The following UTP23 variants were observed in gnomAD, a reference collection of about 807,000 sequenced individuals.
UTP23 encodes UTP23 small subunit processome component, also known as rRNA-processing protein UTP23 homolog.
UTP23 carries 10 observed loss-of-function variants against 19.8 expected under a neutral mutation model. That is an observed-to-expected ratio of 0.50 (90% confidence interval 0.31 to 0.86). The LOEUF is 0.86. Ranked by LOEUF, UTP23 falls within the 40% of genes least tolerant of loss-of-function variation. The pLI is 0.05. For synonymous variants in UTP23, 108 were observed against 105.4 expected, an observed-to-expected ratio of 1.02 and a Z score of -0.15; for missense variants, 282 against 293.1, an observed-to-expected ratio of 0.96 and a Z score of 0.28.
At position 116,766,809 on chromosome 8, in the gene UTP23, G is replaced by A. The variant is rs1184383832; in HGVS notation, c.188+18G>A. ...ACCACAAGGTGGGCCCGGGGGGCTG[G>A]GGAGGAGGCACAGAGGGTCCGTCGG... On this transcript the variant is annotated intron_variant, in intron 1 of 2. Transcript: ENST00000309822. 6.6e-7 allele frequency: 1 copy of A among 1,513,296 alleles called. No individual in the cohort carries two copies. Among genetic ancestry groups the A allele is most frequent in the South Asian group, 1.2e-5 (1 of 80,960 alleles). The allele number at this position is 1,513,296 out of a possible 1,614,324, so 93.7% of individuals were successfully genotyped here. A position where few individuals can be genotyped will look rare whatever the true frequency, so the allele number is the denominator to read the frequency against.
rs1411539916 is a variant in UTP23, at chr8:116,774,670, G to A, written c.*2828G>A. ...ATGTATTTTGCCGGTAAAATTAAAA[G>A]ATATTTTAACAAAAGTCTCATCTCC... On this transcript the variant is annotated 3_prime_UTR_variant, in exon 3 of 3. Transcript: ENST00000309822. 2.4e-6 allele frequency: 2 copies of A among 833,746 alleles called. No homozygotes were observed. The highest frequency in any genetic ancestry group is 2.9e-6 in the Non-Finnish European group (2 of 693,608). The allele number at this position is 833,746 out of a possible 1,614,324, so 51.6% of individuals were successfully genotyped here. A position where few individuals can be genotyped will look rare whatever the true frequency, so the allele number is the denominator to read the frequency against.
intron 2 of UTP23, 64 bp downstream of exon 2, chr8:116,770,430 A>G: frequency 7.0e-7 from 1 of 1,434,698 alleles, no homozygotes; most frequent in Non-Finnish European, 9.3e-7. Flanking sequence ...ATATGGAGCT[A>G]TTTATAATCA....
At chr8:116,767,856 C>T (rs1211434721) in intron 1 of UTP23, among the ~76,000 whole-genome samples, 2 of 152,128 alleles carry the variant, frequency 1.3e-5, no homozygotes, top group South Asian at 2.1e-4. Context: ...CCACTACTCA[C>T]GAATAATCAC....
At chr8:116,770,416 C>G (rs1432016834) in intron 2 of UTP23, 50 bp downstream of exon 2, 12 of 1,528,112 alleles carry the variant, frequency 7.9e-6, no homozygotes, top group Non-Finnish European at 9.8e-6. Flanking sequence ...TCTATTTATA[C>G]TTCATATGGA....
rs980000952 is a variant in UTP23, at chr8:116,773,381, ATTACTC to A, written c.*1543_*1548del. The A allele has an allele frequency of 5.1e-6, 5 of 974,256 alleles. No homozygotes were observed. The highest frequency in any genetic ancestry group is 6.1e-5 in the Admixed American group (1 of 16,280). The allele number at this position is 974,256 out of a possible 1,614,324, so 60.4% of individuals were successfully genotyped here. On this transcript the variant is annotated 3_prime_UTR_variant, in exon 3 of 3. Transcript: ENST00000309822. ...ATGCTAAAATACATTAAATTTAGGT[ATTACTC>A]TTAATCTATTTCTACTTAGTCAGTG...
chr8:116,773,335 A>C lies in UTP23; in HGVS notation c.*1493A>C. On this transcript the variant is annotated 3_prime_UTR_variant, in exon 3 of 3. Transcript: ENST00000309822. ...AGACAAAGTGATAAATGAAATATAC[A>C]CTGATGATACTCATTTCAATATGCT... The C allele has an allele frequency of 1.0e-6, 1 of 982,486 alleles. No homozygotes were observed. The highest frequency in any genetic ancestry group is 1.2e-6 in the Non-Finnish European group (1 of 827,250). The allele number at this position is 982,486 out of a possible 1,614,324, so 60.9% of individuals were successfully genotyped here. A position where few individuals can be genotyped will look rare whatever the true frequency, so the allele number is the denominator to read the frequency against.
At chr8:116,768,691 G>A (rs1815615451) in intron 1 of UTP23, among the ~76,000 whole-genome samples, 1 of 152,236 alleles carries the variant, frequency 6.6e-6, no homozygotes, top group Admixed American at 6.5e-5. Context: ...TTGAGATGGA[G>A]TCTCACTTTA....
chr8:116,766,933 T>C, intron 1 of UTP23, 142 bp downstream of exon 1: 1 of 816,042 alleles, frequency 1.2e-6, no homozygotes, highest in Middle Eastern at 3.7e-4. Flanking sequence ...AGTGGAGAGG[T>C]GAAGGTGGTC....
At position 116,774,131 on chromosome 8, in the gene UTP23, T is replaced by C; in HGVS notation, c.*2289T>C. 1 of 985,398 alleles carries C rather than the reference T, an allele frequency of 1.0e-6. No individual in the cohort carries two copies. The highest frequency in any genetic ancestry group is 4.7e-5 in the South Asian group (1 of 21,286). 61.0% of individuals were successfully genotyped at this position (985,398 alleles called of 1,614,324 possible). A position where few individuals can be genotyped will look rare whatever the true frequency, so the allele number is the denominator to read the frequency against. On this transcript the variant is annotated 3_prime_UTR_variant, in exon 3 of 3. Transcript: ENST00000309822. ...TTGTTGGGGATAAAAGTGTAATACA[T>C]GCACTTTTGAACTCTGAAAGTTTGC...
rs773109836 is a variant in UTP23 at position 116,770,553 on chromosome 8, T to C, written c.363+187T>C. 7.3e-4 allele frequency: 394 copies of C among 540,998 alleles called. 6 individuals are homozygous for C. The highest frequency in any genetic ancestry group is 1.6e-4 in the Non-Finnish European group (53 of 330,066). 33.5% of individuals were successfully genotyped at this position (540,998 alleles called of 1,614,324 possible). A position where few individuals can be genotyped will look rare whatever the true frequency, so the allele number is the denominator to read the frequency against. On this transcript the variant is annotated intron_variant, in intron 2 of 2. Transcript: ENST00000309822. ...GAGGAAAACTTTAAGCATGTTGATA[T>C]TCTTTTTAGTAGTGGAAGGTTGGGT...
chr8:116,772,769 G>T lies in UTP23; in HGVS notation c.*927G>T, dbSNP rs948659216. The T allele has an allele frequency of 1.0e-6, 1 of 985,208 alleles. No individual in the cohort carries two copies. Among genetic ancestry groups the T allele is most frequent in the African/African-American group, 1.7e-5 (1 of 57,200 alleles). 61.0% of individuals were successfully genotyped at this position (985,208 alleles called of 1,614,324 possible). A position where few individuals can be genotyped will look rare whatever the true frequency, so the allele number is the denominator to read the frequency against. On this transcript the variant is annotated 3_prime_UTR_variant, in exon 3 of 3. Coordinates refer to ENST00000309822, the MANE Select transcript of UTP23 (RefSeq NM_032334.3). Reference sequence around the variant, plus strand: ...CTAAATTAGTCTGAGGATCAATGAGGGTCAATTCAGTTAGGAATTGAATAA... The same window carrying T: ...CTAAATTAGTCTGAGGATCAATGAGTGTCAATTCAGTTAGGAATTGAATAA...
chr8:116,766,573 G>A lies in UTP23; in HGVS notation c.-31G>A. The A allele has an allele frequency of 6.3e-7, 1 of 1,599,176 alleles. No homozygotes were observed. The highest frequency in any genetic ancestry group is 8.5e-7 in the Non-Finnish European group (1 of 1,171,732). On this transcript the variant is annotated 5_prime_UTR_variant, in exon 1 of 3. Transcript: ENST00000309822. The stretch of plus-strand genomic sequence containing the variant: ...GTGAGGCGTTTACTGATGCTTCCTG[G>A]TCCGGTGGCCTCGGTCCCGGTAAGC...
chr8:116,772,178 T>G lies in UTP23; in HGVS notation c.*336T>G. ...GCCTGGGCAACAGAGTGAGAACATGTCTCAAAAAAAAAATAAAAACAGTGA... is the reference window on the plus strand; with the variant it reads ...GCCTGGGCAACAGAGTGAGAACATGGCTCAAAAAAAAAATAAAAACAGTGA... On this transcript the variant is annotated 3_prime_UTR_variant, in exon 3 of 3. Transcript: ENST00000309822. The G allele has an allele frequency of 9.9e-7, 1 of 1,010,492 alleles. No individual in the cohort carries two copies. 62.6% of individuals were successfully genotyped at this position (1,010,492 alleles called of 1,614,324 possible).
chr8:116,772,169 G>T lies in UTP23; in HGVS notation c.*327G>T. On this transcript the variant is annotated 3_prime_UTR_variant, in exon 3 of 3. Transcript: ENST00000309822. ...TTCACTCCAGCCTGGGCAACAGAGTGAGAACATGTCTCAAAAAAAAAATAA... is the reference window on the plus strand; with the variant it reads ...TTCACTCCAGCCTGGGCAACAGAGTTAGAACATGTCTCAAAAAAAAAATAA... 1 of 1,020,386 alleles carries T rather than the reference G, an allele frequency of 9.8e-7. No homozygotes were observed. Among genetic ancestry groups the T allele is most frequent in the Non-Finnish European group, 1.2e-6 (1 of 853,056 alleles). 63.2% of individuals were successfully genotyped at this position (1,020,386 alleles called of 1,614,324 possible).
intron 1 of UTP23, among the ~76,000 whole-genome samples, chr8:116,769,856 G>A (rs1357523320): frequency 6.6e-6 from 1 of 152,040 alleles, no homozygotes; most frequent in Admixed American, 6.6e-5. Flanking sequence ...CTTGAACTTT[G>A]GCATGTTACT....
chr8:116,770,300 T>A lies in UTP23; in HGVS notation c.297T>A (p.Ser99Arg), dbSNP rs1037931732. 1.2e-6 allele frequency: 2 copies of A among 1,613,924 alleles called. No individual in the cohort carries two copies. The highest frequency in any genetic ancestry group is 2.7e-5 in the African/African-American group (2 of 74,928). Residue 99 changes from serine (S) to arginine (R), a missense_variant, in exon 2 of 3, where the codon AGT becomes AGA. By Grantham distance (110) the Ser-to-Arg change is moderately radical (BLOSUM62 -1). Coordinates refer to ENST00000309822, the MANE Select transcript of UTP23 (RefSeq NM_032334.3). ...GTCCTCATTTCAAGAATGCAGTGAG[T>A]GGATCAGAATGTCTGCTTTCCATGG... ...RNCPHFKNAV[S>R]GSECLLSMVE...
chr8:116,768,564 C>T (rs1815613953), intron 1 of UTP23, among the ~76,000 whole-genome samples: 1 of 152,194 alleles, frequency 6.6e-6, no homozygotes. Flanking sequence ...TTATTTATCA[C>T]TTCTTTGGCA....
At chr8:116,769,348 G>A (rs1291154641) in intron 1 of UTP23, among the ~76,000 whole-genome samples, 4 of 152,164 alleles carry the variant, frequency 2.6e-5, no homozygotes, top group Non-Finnish European at 5.9e-5. Flanking sequence ...TAGATAGGTT[G>A]AGCAGCTGAT....
chr8:116,772,439 C>G lies in UTP23; in HGVS notation c.*597C>G. Reference sequence around the variant, plus strand: ...TCTAGTAGTTGAAGAATTTATATTTCCAAATTGTATGATTATACCGCTACT... The same window carrying G: ...TCTAGTAGTTGAAGAATTTATATTTGCAAATTGTATGATTATACCGCTACT... On this transcript the variant is annotated 3_prime_UTR_variant, in exon 3 of 3. Transcript: ENST00000309822. 16 of 950,408 alleles carry G rather than the reference C, an allele frequency of 1.7e-5. No homozygotes were observed. The highest frequency in any genetic ancestry group is 1.9e-5 in the Non-Finnish European group (15 of 798,094). The allele number at this position is 950,408 out of a possible 1,614,324, so 58.9% of individuals were successfully genotyped here.
Sources: allele counts gnomAD v4.1 joint callset (sites outside exome capture counted in the v4.1 genomes callset), GRCh38; gene constraint gnomAD v4.1.1; transcripts MANE v1.5; gene names NCBI Gene and HGNC (gene_info 2026-07-23, HGNC 2026-07-21).